Variants in ZNF521 observed in about 807,000 individuals in gnomAD.
ZNF521 encodes zinc finger protein 521.
Under a neutral mutation model 105.5 loss-of-function variants are expected in ZNF521, and 14 were observed. The ratio of observed to expected loss-of-function variants is 0.13; its 90% CI spans 0.09 to 0.21. The LOEUF (loss-of-function observed/expected upper bound fraction) is 0.21. Among genes scored for constraint, ZNF521 ranks in the 10% least tolerant of loss-of-function variants. The pLI is 1.00. For missense variants in ZNF521, 1,233 were observed against 1,629.7 expected (o/e 0.76, Z 4.19); for synonymous variants, 635 against 606.0 (o/e 1.05, Z -0.70).
intron 4 of ZNF521, among the ~76,000 whole-genome samples, chr18:25,219,187 A>G (rs1227704625): frequency 6.6e-6 from 1 of 152,212 alleles, no homozygotes; most frequent in Non-Finnish European, 1.5e-5. Context: ...TAAGTAGGCT[A>G]TTAGTAGTTA....
chr18:25,204,534 A>G (rs1468199632), intron 4 of ZNF521, among the ~76,000 whole-genome samples: 1 of 152,184 alleles, frequency 6.6e-6, no homozygotes, highest in East Asian at 1.9e-4. Flanking sequence ...TTTAGGAATA[A>G]AGAGTCATTT....
intron 5 of ZNF521, among the ~76,000 whole-genome samples, chr18:25,109,768 T>C (rs2034147748): frequency 6.6e-6 from 1 of 152,210 alleles, no homozygotes; most frequent in African/African-American, 2.4e-5. Context: ...TGTCTGCTCA[T>C]GTCCTTTGCC....
At position 25,134,645 on chromosome 18, in the gene ZNF521, G is replaced by T. The variant is rs189247990; in HGVS notation, c.3659-42564C>A. Among the ~76,000 whole-genome samples, 9 of 152,174 alleles carry T rather than the reference G, an allele frequency of 5.9e-5. No homozygotes were observed. In the East Asian group the frequency reaches 1.5e-3, roughly 26 times the overall value. ...CTCCAAAACAATTTTTATTGCAGCG[G>T]TTGCAGCTTTTCACTCCATCCCAAT... On this transcript the variant is annotated intron_variant, in intron 5 of 7. Coordinates refer to ENST00000361524, the MANE Select transcript of ZNF521 (RefSeq NM_015461.3).
At chr18:25,074,645 G>A (rs998905363) in intron 7 of ZNF521, among the ~76,000 whole-genome samples, 2 of 151,966 alleles carry the variant, frequency 1.3e-5, no homozygotes, top group South Asian at 2.1e-4. Context: ...TCTTGTCCAC[G>A]ATTTCCCATT....
intron 3 of ZNF521, among the ~76,000 whole-genome samples, chr18:25,248,727 A>G (rs1183169745): frequency 1.3e-5 from 2 of 152,210 alleles, no homozygotes; most frequent in African/African-American, 4.8e-5. Flanking sequence ...TATGCACACA[A>G]ATTTCCTTCT....
Position 25,122,371 on chromosome 18 carries a change from G to T in ZNF521, c.3659-30290C>A, listed in dbSNP as rs1367988873. On this transcript the variant is annotated intron_variant, in intron 5 of 7. Transcript: ENST00000361524. ...GTACAGAAAAATATCTGAAAAATAG[G>T]TAACTGTCAAGTGACAGAGTGTCAT... Among the ~76,000 whole-genome samples the T allele has an allele frequency of 2.0e-5, 3 of 152,068 alleles. No homozygotes were observed. In the East Asian group the frequency reaches 5.8e-4, roughly 29 times the overall value.
intron 3 of ZNF521, among the ~76,000 whole-genome samples, chr18:25,241,451 C>T (rs1342143825): frequency 6.6e-6 from 1 of 152,148 alleles, no homozygotes; most frequent in Non-Finnish European, 1.5e-5. Context: ...ATGCATTCCT[C>T]ATAATAGAAT....
intron 5 of ZNF521, among the ~76,000 whole-genome samples, chr18:25,156,862 C>T (rs1315929005): frequency 2.0e-5 from 3 of 152,054 alleles, no homozygotes; most frequent in Non-Finnish European, 4.4e-5. Flanking sequence ...GACAGCAAAC[C>T]AATTTTTAGT....
intron 5 of ZNF521, among the ~76,000 whole-genome samples, chr18:25,150,882 TTC>T (rs1256252855): frequency 7.1e-6 from 1 of 140,738 alleles, no homozygotes; most frequent in Non-Finnish European, 1.6e-5. Flanking sequence ...CTCTTTTTTT[TTC>T]TTTTTTCTTT....
chr18:25,307,013 T>G (rs1447914059), intron 3 of ZNF521, among the ~76,000 whole-genome samples: 1 of 152,152 alleles, frequency 6.6e-6, no homozygotes. Flanking sequence ...TGCTTCTTTA[T>G]TTTTCCTAGT....
intron 3 of ZNF521, among the ~76,000 whole-genome samples, chr18:25,278,977 G>A (rs12966785): frequency 0.46 from 70,331 of 152,042 alleles, 17,776 homozygotes; most frequent in African/African-American, 0.68. Flanking sequence ...AGGAAAAACT[G>A]CCCAAATTGT....
rs1371776564 is a variant in ZNF521, at chr18:25,225,595, G to A, written c.2323C>T (p.His775Tyr). 1 of 1,614,178 alleles carries A rather than the reference G, an allele frequency of 6.2e-7. No homozygotes were observed. Among genetic ancestry groups the A allele is most frequent in the Non-Finnish European group, 8.5e-7 (1 of 1,180,030 alleles). Reference protein sequence around the residue: ...TDLQLHVKHNHLENQGKVHKC... With the variant: ...TDLQLHVKHNYLENQGKVHKC... ...TGCACTTTCCCTTGGTTTTCCAGGT[G>A]GTTGTGTTTCACATGGAGCTGCAAG... The change falls in exon 4 of 8, where the codon CAC (histidine) becomes TAC (tyrosine). Residue 775 changes from histidine (H) to tyrosine (Y), a missense_variant. Transcript: ENST00000361524. This position sits in a 1 kb window ranked among gnomAD's most constrained non-coding sequence, Gnocchi z 5.6.
chr18:25,319,096 G>A (rs1600301328), intron 3 of ZNF521, among the ~76,000 whole-genome samples: 1 of 152,238 alleles, frequency 6.6e-6, no homozygotes, highest in Non-Finnish European at 1.5e-5. Context: ...ACACATACAG[G>A]ATCCTGTTTG....
chr18:25,127,071 G>A (rs1442320245), intron 5 of ZNF521, among the ~76,000 whole-genome samples: 2 of 151,994 alleles, frequency 1.3e-5, no homozygotes, highest in East Asian at 1.9e-4. Context: ...ACAAAGACAC[G>A]CCATACTATT....
At chr18:25,292,425 G>T (rs1911083122) in intron 3 of ZNF521, among the ~76,000 whole-genome samples, 1 of 152,108 alleles carries the variant, frequency 6.6e-6, no homozygotes, top group Non-Finnish European at 1.5e-5. Context: ...TTCACAAAAA[G>T]GGCATTTCCA....
Position 25,100,649 on chromosome 18 carries a change from G to A in ZNF521, c.3659-8568C>T, listed in dbSNP as rs137928842. On this transcript the variant is annotated intron_variant, in intron 5 of 7. Transcript: ENST00000361524. ...TGAGTCACATTTTTATTGTTCTATT[G>A]GTGTGACCTTAGAAACTTGGCCTTG... Among the ~76,000 whole-genome samples the A allele has an allele frequency of 3.2e-3, 479 of 151,188 alleles. 3 individuals are homozygous for A. Among genetic ancestry groups the A allele is most frequent in the African/African-American group, 0.011 (453 of 41,112 alleles).
intron 2 of ZNF521, among the ~76,000 whole-genome samples, chr18:25,346,917 A>T (rs1179826092): frequency 6.6e-6 from 1 of 152,178 alleles, no homozygotes; most frequent in African/African-American, 2.4e-5. Flanking sequence ...TCCCAGCTTT[A>T]TAACTTGGCT....
intron 3 of ZNF521, among the ~76,000 whole-genome samples, chr18:25,277,073 T>C (rs1420110883): frequency 6.6e-6 from 1 of 151,808 alleles, no homozygotes; most frequent in Non-Finnish European, 1.5e-5. Context: ...ATCCCAGGTA[T>C]TCAAGAGGCT....
chr18:25,347,531 G>A (rs979664281), intron 2 of ZNF521, among the ~76,000 whole-genome samples: 2 of 152,120 alleles, frequency 1.3e-5, no homozygotes, highest in Admixed American at 6.5e-5. Context: ...GAGGTAAGTA[G>A]ACCAACCAGG....
Sources: allele counts gnomAD v4.1 joint callset (sites outside exome capture counted in the v4.1 genomes callset), GRCh38; gene constraint gnomAD v4.1.1; non-coding constraint Gnocchi (gnomAD v3.1); transcripts MANE v1.5; gene names NCBI Gene and HGNC (gene_info 2026-07-23, HGNC 2026-07-21).